MYO1B: variants seen among roughly 807,000 people sequenced by gnomAD.
The protein encoded by MYO1B is unconventional myosin-Ib.
MYO1B carries 72 observed loss-of-function variants against 159.7 expected under a neutral mutation model. That is an observed-to-expected ratio of 0.45 (90% CI 0.37 to 0.55). The LOEUF is 0.55. Ranked by LOEUF, MYO1B falls within the 20% of genes least tolerant of loss-of-function variation. The pLI is 0.00. For synonymous variants in MYO1B, 468 were observed against 473.8 expected, an observed-to-expected ratio of 0.99 and a Z score of 0.16; for missense variants, 1,062 against 1,364.8, an observed-to-expected ratio of 0.78 and a Z score of 3.50.
chr2:191,411,168 T>A lies in MYO1B; in HGVS notation c.2869T>A (p.Ser957Thr). Residue 957 changes from serine to threonine, a missense_variant, in exon 27 of 31, where the codon TCT becomes ACT. By Grantham distance (58) the Ser-to-Thr change is moderately conservative. Around this residue, in one of 5 missense-constraint regions of MYO1B, gnomAD observed 609 missense variants for 744.4 expected, o/e 0.82. Coordinates refer to ENST00000392318, the MANE Select transcript of MYO1B (RefSeq NM_001130158.3). ...LFKDKKALYP[S>T]SVGQPFQGAY... Reference sequence around the variant, plus strand: ...CAAAGACAAGAAGGCTTTATACCCATCTAGGTATTATGGCTTTGCTTTACC... The same window carrying A: ...CAAAGACAAGAAGGCTTTATACCCAACTAGGTATTATGGCTTTGCTTTACC... The A allele has an allele frequency of 6.4e-7, 1 of 1,573,326 alleles. No individual in the cohort carries two copies. Among genetic ancestry groups the A allele is most frequent in the South Asian group, 1.2e-5 (1 of 85,414 alleles).
chr2:191,280,678 G>C (rs888036043), intron 2 of MYO1B, among the ~76,000 whole-genome samples: 25 of 152,112 alleles, frequency 1.6e-4, no homozygotes, highest in African/African-American at 5.3e-4. Context: ...AGTTGAACCA[G>C]ATTTTTCCAA....
intron 4 of MYO1B, among the ~76,000 whole-genome samples, chr2:191,335,745 A>G (rs1445446466): frequency 1.3e-5 from 2 of 152,182 alleles, no homozygotes; most frequent in African/African-American, 4.8e-5. Context: ...TAGAACCACC[A>G]TGTAGTATTA....
intron 1 of MYO1B, among the ~76,000 whole-genome samples, chr2:191,258,321 A>G (rs1281882826): frequency 6.6e-6 from 1 of 152,252 alleles, no homozygotes; most frequent in Non-Finnish European, 1.5e-5. Flanking sequence ...AAGATATGGT[A>G]TAAAAGATAA....
intron 4 of MYO1B, among the ~76,000 whole-genome samples, chr2:191,338,191 T>C (rs1691982144): frequency 6.6e-6 from 1 of 152,098 alleles, no homozygotes; most frequent in South Asian, 2.1e-4. Context: ...GATTTTTTTT[T>C]TTGGAGAAAA....
chr2:191,380,304 G>A (rs748151942), intron 13 of MYO1B, among the ~76,000 whole-genome samples: 2 of 152,174 alleles, frequency 1.3e-5, no homozygotes, highest in Non-Finnish European at 2.9e-5. Flanking sequence ...ATCATGTATG[G>A]AGGGATTTGA....
At chr2:191,291,113 CT>C (rs1207184731) in intron 2 of MYO1B, among the ~76,000 whole-genome samples, 1 of 152,130 alleles carries the variant, frequency 6.6e-6, no homozygotes, top group East Asian at 1.9e-4. Flanking sequence ...AACACGTGGC[CT>C]TTAGGTTATA....
intron 11 of MYO1B, among the ~76,000 whole-genome samples, chr2:191,368,835 G>T (rs148779719): frequency 6.6e-6 from 1 of 152,042 alleles, no homozygotes; most frequent in Non-Finnish European, 1.5e-5. Context: ...TTAGCCACGC[G>T]TGGTGGCACA....
chr2:191,287,103 A>G (rs1688418798), intron 2 of MYO1B, among the ~76,000 whole-genome samples: 1 of 152,202 alleles, frequency 6.6e-6, no homozygotes. Context: ...AGCTAAATTT[A>G]TATAATTATA....
chr2:191,310,875 T>C (rs1689961655), intron 3 of MYO1B, among the ~76,000 whole-genome samples: 1 of 152,202 alleles, frequency 6.6e-6, no homozygotes, highest in Non-Finnish European at 1.5e-5. Flanking sequence ...AATTTTTTAA[T>C]GAATGAGTGG....
At chr2:191,333,711 C>G (rs1404233360) in intron 4 of MYO1B, among the ~76,000 whole-genome samples, 2 of 152,168 alleles carry the variant, frequency 1.3e-5, no homozygotes, top group East Asian at 1.9e-4. Context: ...CTTTATCTCT[C>G]TCTGTCTCTG....
chr2:191,375,470 A>AAGATAGATAGATAGAT (rs149225477), intron 13 of MYO1B, among the ~76,000 whole-genome samples: 4,218 of 146,302 alleles, frequency 0.029, 64 homozygotes, highest in East Asian at 0.055. Context: ...TGATTTGTAA[A>AAGATAGATAGATAGAT]AGATAGATAG....
intron 3 of MYO1B, among the ~76,000 whole-genome samples, chr2:191,325,577 A>C (rs935836263): frequency 6.6e-6 from 1 of 152,186 alleles, no homozygotes; most frequent in East Asian, 1.9e-4. Context: ...ACATGGGGCC[A>C]TGTTTGAAAG....
chr2:191,279,021 A>G (rs955861517), intron 2 of MYO1B, among the ~76,000 whole-genome samples: 1 of 152,228 alleles, frequency 6.6e-6, no homozygotes, highest in African/African-American at 2.4e-5. Context: ...AAATAAAACA[A>G]TCACCTTTTT....
chr2:191,335,866 A>T (rs1691794193), intron 4 of MYO1B, among the ~76,000 whole-genome samples: 1 of 152,196 alleles, frequency 6.6e-6, no homozygotes, highest in African/African-American at 2.4e-5. Flanking sequence ...CTGCGGAGTT[A>T]TGTAACATGG....
chr2:191,369,105 A>G (rs1471210825), intron 11 of MYO1B, among the ~76,000 whole-genome samples: 7 of 152,216 alleles, frequency 4.6e-5, no homozygotes, highest in Non-Finnish European at 8.8e-5. Context: ...AATAGTTATC[A>G]TATTAAGTAG....
rs767453173 is a variant in MYO1B, at chr2:191,400,362, T to C, written c.2296-20T>C. 1.2e-6 allele frequency: 2 copies of C among 1,613,318 alleles called. No individual in the cohort carries two copies. The highest frequency in any genetic ancestry group is 1.7e-6 in the Non-Finnish European group (2 of 1,179,254). On this transcript the variant is annotated intron_variant, in intron 21 of 30. Coordinates refer to ENST00000392318, the MANE Select transcript of MYO1B (RefSeq NM_001130158.3). ...CTTTATTTTTAAACATTCTCTCTTT[T>C]GGGTGATTCTGCCCTTTAGGCTCGA...
intron 1 of MYO1B, among the ~76,000 whole-genome samples, chr2:191,261,101 C>T (rs1238435218): frequency 6.6e-6 from 1 of 152,196 alleles, no homozygotes; most frequent in African/African-American, 2.4e-5. Flanking sequence ...CACTAATGCT[C>T]CAAGCTAGAG....
rs1324464674 is a variant in MYO1B, at chr2:191,396,440, G to T, written c.2238G>T (p.Arg746Ser). The T allele has an allele frequency of 1.2e-6, 2 of 1,614,030 alleles. No individual in the cohort carries two copies. Among genetic ancestry groups the T allele is most frequent in the Non-Finnish European group, 1.7e-6 (2 of 1,180,034 alleles). ...AWYRRYAQQK[R>S]YQQTKSSALV... The stretch of plus-strand genomic sequence containing the variant: ...CTTTTATCCTACAGCAACAAAAGAG[G>T]TACCAGCAGACAAAGAGTTCCGCCT... The change falls in exon 21 of 31, where the codon AGG becomes AGT. Residue 746 changes from arginine to serine, a missense_variant. Arg to Ser is a moderately radical substitution (Grantham distance 110). This residue lies in a region of MYO1B where 609 missense variants were observed against 744.4 expected (regional missense o/e 0.82). Coordinates refer to ENST00000392318, the MANE Select transcript of MYO1B (RefSeq NM_001130158.3).
At chr2:191,390,724 G>A (rs1052170428) in intron 18 of MYO1B, among the ~76,000 whole-genome samples, 9 of 152,180 alleles carry the variant, frequency 5.9e-5, no homozygotes, top group Admixed American at 3.3e-4. Context: ...ATATGCCCAA[G>A]GTAGGTTCGT....
Sources: allele counts gnomAD v4.1 joint callset (sites outside exome capture counted in the v4.1 genomes callset), GRCh38; gene constraint gnomAD v4.1.1; regional missense constraint gnomAD v4.1.1; transcripts MANE v1.5; gene names NCBI Gene and HGNC (gene_info 2026-07-23, HGNC 2026-07-21).